FGF12: variants seen among roughly 807,000 people sequenced by gnomAD.
FGF12 encodes the protein fibroblast growth factor 12.
In FGF12, 14 loss-of-function variants were observed where a neutral mutation model predicts 23.6. That is an observed-to-expected ratio of 0.59 (90% CI 0.39 to 0.93). The LOEUF (loss-of-function observed/expected upper bound fraction) is 0.93. Among genes scored for constraint, FGF12 ranks in the 40% least tolerant of loss-of-function variants. The pLI is 0.00. For missense variants in FGF12, 175 were observed against 217.8 expected (o/e 0.80, Z 1.24); for synonymous variants, 62 against 77.3 (o/e 0.80, Z 1.04).
intron 4 of FGF12, among the ~76,000 whole-genome samples, chr3:192,316,720 G>A (rs2108678032): frequency 6.6e-6 from 1 of 152,294 alleles, no homozygotes; most frequent in African/African-American, 2.4e-5. Flanking sequence ...GCTGGGCTCT[G>A]AGTGGACTTG....
intron 4 of FGF12, among the ~76,000 whole-genome samples, chr3:192,327,039 T>C (rs76875042): frequency 2.0e-5 from 3 of 152,194 alleles, no homozygotes; most frequent in African/African-American, 7.2e-5. Context: ...GAAAAGCTCA[T>C]GGTTGTGGAC....
intron 2 of FGF12, among the ~76,000 whole-genome samples, chr3:192,545,631 C>T (rs1035859984): frequency 2.0e-5 from 3 of 152,142 alleles, no homozygotes; most frequent in African/African-American, 7.2e-5. Context: ...AAAGTAGCTT[C>T]CAGAAGAAAA....
rs146633508 is a variant in FGF12, at chr3:192,285,554, G to A, written c.228+49807C>T. Among the ~76,000 whole-genome samples, 1,121 of 152,044 alleles carry A rather than the reference G, an allele frequency of 7.4e-3. 16 individuals carry two copies. Among genetic ancestry groups the A allele is most frequent in the African/African-American group, 0.025 (1,052 of 41,504 alleles). ...TTTTCTAAGAATCTCTCATGTGAGT[G>A]TAGTTCAGTTACTGTCATTTTCTTA... On this transcript the variant is annotated intron_variant, in intron 4 of 5. Transcript: ENST00000445105.
At chr3:192,532,014 C>A (rs899570564) in intron 2 of FGF12, among the ~76,000 whole-genome samples, 11 of 152,066 alleles carry the variant, frequency 7.2e-5, no homozygotes, top group African/African-American at 2.7e-4. Context: ...GTGTCCTTTC[C>A]CCAATTTATG....
chr3:192,387,694 C>CAA (rs557250807), intron 2 of FGF12, among the ~76,000 whole-genome samples: 4 of 141,234 alleles, frequency 2.8e-5, no homozygotes, highest in Middle Eastern at 3.6e-3. Context: ...AAAAAAAATA[C>CAA]AAAAAAAAAA....
rs551461400 is a variant in FGF12 at position 192,664,760 on chromosome 3, G to A, written c.13+62421C>T. Reference sequence around the variant, plus strand: ...AGCCTGGGCAACAGAGTGAGACTCCGTCTCACAACAACAACTACAACAAAA... The same window carrying A: ...AGCCTGGGCAACAGAGTGAGACTCCATCTCACAACAACAACTACAACAAAA... On this transcript the variant is annotated intron_variant, in intron 2 of 5. Coordinates refer to ENST00000445105, the MANE Select transcript of FGF12 (RefSeq NM_004113.6). Among the ~76,000 whole-genome samples, 6 of 152,128 alleles carry A rather than the reference G, an allele frequency of 3.9e-5. No homozygotes were observed. The South Asian group carries it at 6.2e-4, about 16-fold the overall frequency.
chr3:192,599,829 A>C (rs1680617967), intron 2 of FGF12, among the ~76,000 whole-genome samples: 3 of 152,134 alleles, frequency 2.0e-5, no homozygotes, highest in Admixed American at 1.3e-4. Context: ...AAAATAAAGT[A>C]TCCAACTATA....
intron 2 of FGF12, among the ~76,000 whole-genome samples, chr3:192,548,183 G>T (rs1358807225): frequency 1.3e-5 from 2 of 152,088 alleles, no homozygotes; most frequent in African/African-American, 2.4e-5. Context: ...GAGAAGAAGG[G>T]TGTTTGCTGT....
At chr3:192,419,929 T>C (rs1282378711) in intron 2 of FGF12, among the ~76,000 whole-genome samples, 1 of 152,162 alleles carries the variant, frequency 6.6e-6, no homozygotes, top group Non-Finnish European at 1.5e-5. Context: ...GTTGAAAACC[T>C]AAATGATAAT....
At chr3:192,479,975 T>C (rs1723435104) in intron 2 of FGF12, among the ~76,000 whole-genome samples, 2 of 149,190 alleles carry the variant, frequency 1.3e-5, no homozygotes, top group Non-Finnish European at 3.0e-5. Context: ...AAGACAAAAT[T>C]GGGATTGAGA....
rs1715553210 is a variant in FGF12 at position 192,635,705 on chromosome 3, C to T, written c.13+91476G>A. On this transcript the variant is annotated intron_variant, in intron 2 of 5. Transcript: ENST00000445105. ...AATCTTGCTGTACATTTTTTTCTTTCTGTTCTTTTTTTACGTGTGGGGAGG... is the reference window on the plus strand; with the variant it reads ...AATCTTGCTGTACATTTTTTTCTTTTTGTTCTTTTTTTACGTGTGGGGAGG... Among the ~76,000 whole-genome samples, 3 of 152,010 alleles carry T rather than the reference C, an allele frequency of 2.0e-5. No individual in the cohort carries two copies. The South Asian group carries it at 6.2e-4, about 32-fold the overall frequency.
At chr3:192,163,905 C>G (rs144404794) in intron 5 of FGF12, among the ~76,000 whole-genome samples, 137 of 151,630 alleles carry the variant, frequency 9.0e-4, no homozygotes, top group Admixed American at 3.0e-3. Context: ...AATCAATATT[C>G]CTTTATTCCA....
chr3:192,244,136 T>C (rs1719764062), intron 4 of FGF12, among the ~76,000 whole-genome samples: 1 of 152,154 alleles, frequency 6.6e-6, no homozygotes, highest in East Asian at 1.9e-4. Context: ...GTAAATACTA[T>C]ATCTAGGGAG....
chr3:192,227,312 G>C (rs745947884), intron 4 of FGF12, among the ~76,000 whole-genome samples: 4 of 152,090 alleles, frequency 2.6e-5, no homozygotes, highest in African/African-American at 7.2e-5. Flanking sequence ...TTGTACTTAT[G>C]CACAGACATT....
At chr3:192,680,459 G>T (rs1420655100) in intron 2 of FGF12, among the ~76,000 whole-genome samples, 1 of 152,166 alleles carries the variant, frequency 6.6e-6, no homozygotes, top group Non-Finnish European at 1.5e-5. Flanking sequence ...GGTAGTGGGG[G>T]GAGGTTATGA....
intron 4 of FGF12, among the ~76,000 whole-genome samples, chr3:192,216,949 A>C (rs1370599552): frequency 2.6e-5 from 4 of 152,244 alleles, no homozygotes; most frequent in African/African-American, 9.6e-5. Context: ...TAATCGAATC[A>C]GGAAACTTGA....
intron 2 of FGF12, among the ~76,000 whole-genome samples, chr3:192,363,098 G>T (rs1261065661): frequency 6.6e-6 from 1 of 150,990 alleles, no homozygotes. Context: ...GTGGGGTAGG[G>T]GGAGGGGGGA....
At chr3:192,170,308 G>C in intron 5 of FGF12, 150 bp downstream of exon 5, 2 of 572,054 alleles carry the variant, frequency 3.5e-6, no homozygotes, top group Non-Finnish European at 6.1e-6. Flanking sequence ...AAAAGGAAGA[G>C]ATACTATTGT....
intron 2 of FGF12, among the ~76,000 whole-genome samples, chr3:192,530,877 C>A (rs1171004491): frequency 2.6e-5 from 4 of 152,028 alleles, no homozygotes; most frequent in Non-Finnish European, 5.9e-5. Flanking sequence ...TGCAATGGAG[C>A]AATCTCAGCT....
Sources: allele counts gnomAD v4.1 joint callset (sites outside exome capture counted in the v4.1 genomes callset), GRCh38; gene constraint gnomAD v4.1.1; transcripts MANE v1.5; gene names NCBI Gene and HGNC (gene_info 2026-07-23, HGNC 2026-07-21).